The following SUPT3H variants were observed in gnomAD, a reference collection of about 807,000 sequenced individuals.
SUPT3H encodes SPT3 homolog, SAGA and STAGA complex component, also known as transcription initiation protein SPT3 homolog.
Under a neutral mutation model 44.3 loss-of-function variants are expected in SUPT3H, and 44 were observed. The ratio of observed to expected loss-of-function variants is 0.99; its 90% CI spans 0.78 to 1.28. The LOEUF (loss-of-function observed/expected upper bound fraction) is 1.28. Ranked by LOEUF, SUPT3H falls within the 50% of genes most tolerant of loss-of-function variation. SUPT3H has a pLI of 0.00. For missense variants in SUPT3H, 380 were observed against 387.1 expected, an observed-to-expected ratio of 0.98 and a Z score of 0.15; for synonymous variants, 124 against 125.6, an observed-to-expected ratio of 0.99 and a Z score of 0.09.
intron 2 of SUPT3H, among the ~76,000 whole-genome samples, chr6:45,183,466 A>G (rs1813634067): frequency 6.6e-6 from 1 of 152,240 alleles, no homozygotes; most frequent in South Asian, 2.1e-4. Context: ...AGCAGAAGGT[A>G]AAGTGGGAGC....
chr6:45,067,703 C>T (rs1288438951), intron 3 of SUPT3H, among the ~76,000 whole-genome samples: 1 of 148,854 alleles, frequency 6.7e-6, no homozygotes, highest in Non-Finnish European at 1.5e-5. Context: ...CCAAGAAACA[C>T]ATGAAAAAAT....
chr6:45,192,589 TTAAA>T (rs1444189112), intron 2 of SUPT3H, among the ~76,000 whole-genome samples: 7 of 152,248 alleles, frequency 4.6e-5, no homozygotes, highest in African/African-American at 1.7e-4. Flanking sequence ...AATAAGCTAT[TTAAA>T]TAAAGTGTTC....
intron 10 of SUPT3H, among the ~76,000 whole-genome samples, chr6:44,881,884 C>G (rs900753993): frequency 6.6e-6 from 1 of 152,122 alleles, no homozygotes; most frequent in Non-Finnish European, 1.5e-5. Context: ...ACAGCTAAAG[C>G]AGTGATTAGA....
chr6:45,244,015 G>A (rs1053842474), intron 2 of SUPT3H, among the ~76,000 whole-genome samples: 4 of 152,096 alleles, frequency 2.6e-5, no homozygotes, highest in Admixed American at 6.5e-5. Context: ...CTGGGTAGCT[G>A]GGAAGACAGG....
At chr6:45,067,841 A>C (rs1369075090) in intron 3 of SUPT3H, among the ~76,000 whole-genome samples, 2 of 146,022 alleles carry the variant, frequency 1.4e-5, no homozygotes, top group African/African-American at 5.3e-5. Context: ...GTGGAGAAAT[A>C]GGAACACTTT....
At position 44,961,738 on chromosome 6, in the gene SUPT3H, T is replaced by G; in HGVS notation, c.580+15A>C. On this transcript the variant is annotated intron_variant, in intron 7 of 10. Coordinates refer to ENST00000371459, the MANE Select transcript of SUPT3H (RefSeq NM_003599.4). ...TCTTATGCATATAATTAAGCAAAGT[T>G]AAATAGTTACTTACAGAAACTTAAT... 2 of 1,591,912 alleles carry G rather than the reference T, an allele frequency of 1.3e-6. No homozygotes were observed. The highest frequency in any genetic ancestry group is 8.6e-7 in the Non-Finnish European group (1 of 1,166,148).
At chr6:45,003,611 A>G (rs1412514928) in intron 6 of SUPT3H, 42 bp downstream of exon 6, 1 of 1,602,220 alleles carries the variant, frequency 6.2e-7, no homozygotes, top group Non-Finnish European at 8.5e-7. Context: ...AGGCACTGCA[A>G]TGATTGTTCT....
chr6:44,854,066 G>A (rs1268537698), intron 10 of SUPT3H, among the ~76,000 whole-genome samples: 1 of 151,594 alleles, frequency 6.6e-6, no homozygotes, highest in Non-Finnish European at 1.5e-5. Context: ...CTGCACTGGA[G>A]ACAGAAGAAT....
chr6:45,340,876 T>C (rs1387538659), intron 2 of SUPT3H, among the ~76,000 whole-genome samples: 1 of 152,094 alleles, frequency 6.6e-6, no homozygotes, highest in Non-Finnish European at 1.5e-5. Context: ...CAAATCCTAC[T>C]TCCTATATTT....
At chr6:44,924,414 G>C (rs1457563250) in intron 10 of SUPT3H, among the ~76,000 whole-genome samples, 1 of 151,960 alleles carries the variant, frequency 6.6e-6, no homozygotes, top group Non-Finnish European at 1.5e-5. Context: ...TTTAAGAGTG[G>C]ATCTTCCTTA....
At chr6:45,184,575 C>T (rs1279523799) in intron 2 of SUPT3H, among the ~76,000 whole-genome samples, 1 of 151,932 alleles carries the variant, frequency 6.6e-6, no homozygotes, top group Non-Finnish European at 1.5e-5. Flanking sequence ...CCTCTTACAA[C>T]TAAAAAACCC....
chr6:45,321,935 T>C (rs1261463006), intron 2 of SUPT3H: 1 of 1,103,764 alleles, frequency 9.1e-7, no homozygotes. Flanking sequence ...TTAAAACATA[T>C]TATAAATAAA....
chr6:45,018,251 G>A (rs1784596965), intron 4 of SUPT3H, among the ~76,000 whole-genome samples: 1 of 152,166 alleles, frequency 6.6e-6, no homozygotes. Flanking sequence ...TTTGGGCTGA[G>A]ACGATGGGGT....
chr6:45,296,184 CT>C (rs111424732), intron 2 of SUPT3H, among the ~76,000 whole-genome samples: 6 of 69,328 alleles, frequency 8.7e-5, no homozygotes, highest in Middle Eastern at 8.1e-3. Flanking sequence ...CATACACATA[CT>C]ACACACACAC....
chr6:45,007,617 T>G (rs543765477), intron 5 of SUPT3H, among the ~76,000 whole-genome samples: 38 of 152,156 alleles, frequency 2.5e-4, no homozygotes, highest in African/African-American at 7.2e-4. Context: ...ATTGTTCTCC[T>G]TACTTTTTAA....
chr6:45,310,638 G>A (rs1783792963), intron 2 of SUPT3H, among the ~76,000 whole-genome samples: 1 of 152,180 alleles, frequency 6.6e-6, no homozygotes, highest in Non-Finnish European at 1.5e-5. Context: ...CCAGCCAGGA[G>A]CTGGGTAGAC....
chr6:45,341,262 G>C (rs911202388), intron 2 of SUPT3H, among the ~76,000 whole-genome samples: 1 of 152,120 alleles, frequency 6.6e-6, no homozygotes, highest in African/African-American at 2.4e-5. Flanking sequence ...CAGTCTATAT[G>C]GTTTTGAGAA....
chr6:45,064,959 C>A (rs1403613764), intron 3 of SUPT3H, among the ~76,000 whole-genome samples: 4 of 149,986 alleles, frequency 2.7e-5, no homozygotes, highest in Non-Finnish European at 5.9e-5. Context: ...ACCAAGTGGA[C>A]CTAATAGACA....
chr6:44,880,934 T>C (rs1405179108), intron 10 of SUPT3H, among the ~76,000 whole-genome samples: 2 of 152,198 alleles, frequency 1.3e-5, no homozygotes, highest in South Asian at 4.1e-4. Context: ...GCACTAAATA[T>C]GGAAAGGAAC....
Sources: gnomAD v4.1 joint callset for allele counts (sites outside exome capture counted in the v4.1 genomes callset) on GRCh38, gnomAD v4.1.1 for gene constraint, MANE v1.5 for transcripts, NCBI Gene and HGNC (gene_info 2026-07-23, HGNC 2026-07-21) for gene names.